The following FNDC8 variants were observed in gnomAD, a reference collection of about 807,000 sequenced individuals.
The protein encoded by FNDC8 is fibronectin type III domain-containing protein 8.
A neutral mutation model predicts 24.8 loss-of-function variants in FNDC8; 23 were observed. That is an observed-to-expected ratio of 0.93 (90% CI 0.67 to 1.31). The LOEUF (loss-of-function observed/expected upper bound fraction) is 1.31. Ranked by LOEUF, FNDC8 falls within the 40% of genes most tolerant of loss-of-function variation. FNDC8 has a pLI of 0.00. For synonymous variants in FNDC8, 158 were observed against 165.3 expected (o/e 0.96, Z 0.34); for missense variants, 371 against 398.2 (o/e 0.93, Z 0.58).
intron 3 of FNDC8, chr17:35,130,014 A>G (rs142986563): frequency 3.0e-5 from 41 of 1,383,254 alleles, no homozygotes; most frequent in Middle Eastern, 2.7e-4. Context: ...AGGGGGACGA[A>G]GAAGGGAACA....
At chr17:35,126,174 G>C (rs1022398616) in intron 1 of FNDC8, among the ~76,000 whole-genome samples, 1 of 152,010 alleles carries the variant, frequency 6.6e-6, no homozygotes. Context: ...CACCCACCTT[G>C]GCCTCCCAAA....
chr17:35,123,766 A>C (rs1228723385), intron 1 of FNDC8, among the ~76,000 whole-genome samples: 2 of 152,038 alleles, frequency 1.3e-5, no homozygotes, highest in African/African-American at 4.8e-5. Context: ...AAAACAAAAA[A>C]AAAAACAGAT....
At chr17:35,125,906 C>T (rs928137697) in intron 1 of FNDC8, among the ~76,000 whole-genome samples, 6 of 152,098 alleles carry the variant, frequency 3.9e-5, no homozygotes, top group African/African-American at 1.4e-4. Flanking sequence ...AGCATCCACA[C>T]CAACATATGT....
chr17:35,129,953 T>C (rs2091866404), intron 3 of FNDC8: 1 of 1,368,688 alleles, frequency 7.3e-7, no homozygotes, highest in Non-Finnish European at 9.4e-7. Flanking sequence ...TGATTGTGAG[T>C]AGGCTGGGAA....
chr17:35,130,017 AG>A, intron 3 of FNDC8: 1 of 1,383,182 alleles, frequency 7.2e-7, no homozygotes, highest in Non-Finnish European at 9.3e-7. Flanking sequence ...GGGACGAAGA[AG>A]GGAACAGCCT....
At position 35,129,490 on chromosome 17, in the gene FNDC8, C is replaced by A. The variant is rs2091863336; in HGVS notation, c.654C>A (p.Ala218=). ...SFYQLLLQEV[A]KTQENELPEA... is the part of the protein sequence containing the mutation. ...ACCAGCTCCTGTTACAGGAGGTGGC[C>A]AAGACACAGGAGAATGAGTTGCCCG... is the stretch of plus-strand genomic sequence containing the variant. The change falls in exon 3 of 4, where the codon GCC becomes GCA. Residue 218 remains alanine, a synonymous_variant. Transcript: ENST00000158009. 2 of 1,614,170 alleles carry A rather than the reference C, an allele frequency of 1.2e-6. No homozygotes were observed. The highest frequency in any genetic ancestry group is 1.7e-6 in the Non-Finnish European group (2 of 1,180,034).
intron 2 of FNDC8, 155 bp from the exon 3 acceptor site, chr17:35,129,267 C>G: frequency 2.2e-6 from 2 of 917,332 alleles, no homozygotes; most frequent in Non-Finnish European, 3.3e-6. Flanking sequence ...GTTCCACACT[C>G]AGTGCTGCAG....
intron 2 of FNDC8, chr17:35,128,882 TG>T: frequency 5.8e-6 from 1 of 172,560 alleles, no homozygotes; most frequent in Non-Finnish European, 1.2e-5. Context: ...GGGTCCCATT[TG>T]GGGGTGATGG....
intron 2 of FNDC8, among the ~76,000 whole-genome samples, chr17:35,127,886 T>C (rs2142493342): frequency 6.6e-6 from 1 of 152,294 alleles, no homozygotes; most frequent in Non-Finnish European, 1.5e-5. Context: ...CTACTCAGAA[T>C]TGCTGGGCCT....
Position 35,127,236 on chromosome 17 carries a change from T to A in FNDC8, c.404T>A (p.Leu135Gln), listed in dbSNP as rs1407863902. Residue 135 changes from leucine to glutamine, a missense_variant, in exon 2 of 4, where the codon CTG becomes CAG. Transcript: ENST00000158009. ...PMAKNAENED[L>Q]ALGPCPCPSK... ...GCCAAGAATGCAGAAAATGAGGACC[T>A]GGCGCTCGGCCCCTGCCCATGCCCA... 9 of 1,613,618 alleles carry A rather than the reference T, an allele frequency of 5.6e-6. No homozygotes were observed. Among genetic ancestry groups the A allele is most frequent in the African/African-American group, 1.3e-5 (1 of 74,922 alleles).
intron 3 of FNDC8, 26 bp downstream of exon 3, chr17:35,129,684 T>C (rs1567741650): frequency 3.7e-6 from 6 of 1,607,444 alleles, no homozygotes; most frequent in Non-Finnish European, 5.1e-6. Flanking sequence ...AGAGGGGCCT[T>C]GGGGGTGGAG....
At chr17:35,129,792 A>C in intron 3 of FNDC8, 134 bp downstream of exon 3, 2 of 1,453,396 alleles carry the variant, frequency 1.4e-6, no homozygotes, top group Non-Finnish European at 1.8e-6. Flanking sequence ...TGGGTCAAGA[A>C]GCATCAATTC....
chr17:35,121,657 T>G lies in FNDC8; in HGVS notation c.-37T>G. 1 of 1,604,862 alleles carries G rather than the reference T, an allele frequency of 6.2e-7. No homozygotes were observed. The highest frequency in any genetic ancestry group is 8.5e-7 in the Non-Finnish European group (1 of 1,171,998). On this transcript the variant is annotated 5_prime_UTR_variant, in exon 1 of 4. Transcript: ENST00000158009. ...TCTCTGCTTCTGGTCAGCTGGGTTG[T>G]CCTGCATGGTGACGGGTGTCATCCC...
Position 35,121,743 on chromosome 17 carries a change from T to C in FNDC8, c.50T>C (p.Leu17Pro). The C allele has an allele frequency of 6.2e-7, 1 of 1,613,874 alleles. No homozygotes were observed. The highest frequency in any genetic ancestry group is 8.5e-7 in the Non-Finnish European group (1 of 1,179,854). The change falls in exon 1 of 4, where the codon CTG (leucine) becomes CCG (proline). Residue 17 changes from leucine to proline, a missense_variant. Coordinates refer to ENST00000158009, the MANE Select transcript of FNDC8 (RefSeq NM_017559.4). ...GTGGGAGATGGGGAGGAGGCTGTACTGAAGAAAGAAAACTTCAACATGATG... is the reference window on the plus strand; with the variant it reads ...GTGGGAGATGGGGAGGAGGCTGTACCGAAGAAAGAAAACTTCAACATGATG... ...HQVGDGEEAV[L>P]KKENFNMMNA...
chr17:35,130,201 A>C lies in FNDC8; in HGVS notation c.823-81A>C, dbSNP rs571266368. On this transcript the variant is annotated intron_variant, in intron 3 of 3. Transcript: ENST00000158009. ...TAAGGTCTGAGTCAGCAGACAGAAA[A>C]AAAAGGGGTGATAGAGACAGAGAGA... The C allele has an allele frequency of 3.9e-6, 6 of 1,541,736 alleles. No individual in the cohort carries two copies. In the African/African-American group the frequency reaches 8.3e-5, roughly 21 times the overall value.
intron 3 of FNDC8, 27 bp downstream of exon 3, chr17:35,129,685 G>A: frequency 6.2e-7 from 1 of 1,606,896 alleles, no homozygotes; most frequent in Non-Finnish European, 8.5e-7. Flanking sequence ...GAGGGGCCTT[G>A]GGGGTGGAGA....
In FNDC8 at chr17:35,127,196, A is replaced by G. The variant is rs767072291; in HGVS notation, c.364A>G (p.Ser122Gly). The G allele has an allele frequency of 6.2e-6, 10 of 1,614,028 alleles. No homozygotes were observed. In the African/African-American group the frequency reaches 1.3e-4, roughly 22 times the overall value. The change falls in exon 2 of 4, where the codon AGC becomes GGC. Residue 122 changes from serine (S) to glycine (G), a missense_variant. By Grantham distance (56) the Ser-to-Gly change is moderately conservative (BLOSUM62 0). Coordinates refer to ENST00000158009, the MANE Select transcript of FNDC8 (RefSeq NM_017559.4). ...GCTGGAGGGGGAGCTGAACAAACTCAGCTTCTCCCCAATGGCCAAGAATGC... is the reference window on the plus strand; with the variant it reads ...GCTGGAGGGGGAGCTGAACAAACTCGGCTTCTCCCCAATGGCCAAGAATGC... ...GMLEGELNKL[S>G]FSPMAKNAEN...
chr17:35,123,714 G>C (rs1450798105), intron 1 of FNDC8, among the ~76,000 whole-genome samples: 6 of 151,846 alleles, frequency 4.0e-5, no homozygotes, highest in Non-Finnish European at 7.4e-5. Context: ...CTCCAGCCAG[G>C]GGTCTGGGAG....
At chr17:35,124,713 A>T (rs1024043372) in intron 1 of FNDC8, among the ~76,000 whole-genome samples, 3 of 152,176 alleles carry the variant, frequency 2.0e-5, no homozygotes, top group African/African-American at 7.2e-5. Flanking sequence ...TTTGAAAGCC[A>T]AACTTTTTGG....
Sources: gnomAD v4.1 joint callset for allele counts (sites outside exome capture counted in the v4.1 genomes callset) on GRCh38, gnomAD v4.1.1 for gene constraint, MANE v1.5 for transcripts, NCBI Gene and HGNC (gene_info 2026-07-23, HGNC 2026-07-21) for gene names.